Variants in ELF1 observed in about 807,000 individuals in gnomAD.
The protein encoded by ELF1 is ETS-related transcription factor Elf-1.
In ELF1, 24 loss-of-function variants were observed where a neutral mutation model predicts 59.9. That is an observed-to-expected ratio of 0.40 (90% CI 0.29 to 0.56). The LOEUF is 0.56. ELF1 is among the 20% of genes least tolerant of loss of function. The pLI is 0.44. For synonymous variants in ELF1, 248 were observed against 266.2 expected, an observed-to-expected ratio of 0.93 and a Z score of 0.67; for missense variants, 627 against 742.2, an observed-to-expected ratio of 0.84 and a Z score of 1.80.
intron 2 of ELF1, among the ~76,000 whole-genome samples, chr13:40,969,822 G>A (rs1464962972): frequency 9.9e-5 from 15 of 152,068 alleles, no homozygotes; most frequent in Non-Finnish European, 2.9e-5. Context: ...TCCCACTTCC[G>A]CTTCCCAAGC....
chr13:41,003,040 A>G (rs1455305531), intron 1 of ELF1, among the ~76,000 whole-genome samples: 1 of 152,240 alleles, frequency 6.6e-6, no homozygotes, highest in Non-Finnish European at 1.5e-5. Context: ...AAAATTCTTC[A>G]TTAAACAGTA....
intron 1 of ELF1, among the ~76,000 whole-genome samples, chr13:41,050,119 CTT>C (rs566218954): frequency 1.6e-3 from 245 of 152,284 alleles, no homozygotes; most frequent in Admixed American, 4.5e-3. Context: ...CAACAAAACT[CTT>C]TTCATCTTTC....
intron 1 of ELF1, chr13:40,993,406 G>A: frequency 5.2e-6 from 4 of 764,002 alleles, no homozygotes; most frequent in South Asian, 4.8e-5. Flanking sequence ...GGGGAGCGGG[G>A]CTGGGCGGCT....
Position 40,991,234 on chromosome 13 carries a change from G to C in ELF1, c.-228-8952C>G, listed in dbSNP as rs544040087. Among the ~76,000 whole-genome samples the C allele has an allele frequency of 3.3e-5, 5 of 152,286 alleles. No homozygotes were observed. In the South Asian group the frequency reaches 1.0e-3, roughly 32 times the overall value. On this transcript the variant is annotated intron_variant, in intron 1 of 8. Transcript: ENST00000239882. The stretch of plus-strand genomic sequence containing the variant: ...ACTAAATGTAATGTGGTGGGATCCT[G>C]GGACAGGAAAGGGACATCAGGTTAA...
intron 1 of ELF1, among the ~76,000 whole-genome samples, chr13:41,034,970 A>ACT (rs1876315579): frequency 6.6e-6 from 1 of 151,726 alleles, no homozygotes; most frequent in African/African-American, 2.4e-5. Context: ...ATGCTTTTTC[A>ACT]CTCTACCTTT....
At chr13:40,944,205 A>G (rs1566166618) in intron 5 of ELF1, among the ~76,000 whole-genome samples, 2 of 152,230 alleles carry the variant, frequency 1.3e-5, no homozygotes, top group Non-Finnish European at 2.9e-5. Context: ...AAATTACTAT[A>G]GCTTGCCTTT....
At chr13:40,982,763 G>T (rs1998905) in intron 1 of ELF1, 2 of 534,128 alleles carry the variant, frequency 3.7e-6, no homozygotes, top group Non-Finnish European at 2.4e-6. Flanking sequence ...TTAGTAAGAA[G>T]TATTTTTAAA....
chr13:41,060,313 G>T (rs1377830052), intron 1 of ELF1, among the ~76,000 whole-genome samples: 2 of 152,216 alleles, frequency 1.3e-5, no homozygotes, highest in Admixed American at 6.5e-5. Context: ...AGGGCAGGGG[G>T]GTCAGCCCGT....
At chr13:41,018,831 T>G (rs1249336918) in intron 1 of ELF1, among the ~76,000 whole-genome samples, 66 of 152,304 alleles carry the variant, frequency 4.3e-4, no homozygotes, top group Admixed American at 4.3e-3. Context: ...ATTTAACATC[T>G]ATATCACACA....
chr13:41,057,469 C>G (rs1953058775), intron 1 of ELF1, among the ~76,000 whole-genome samples: 1 of 151,890 alleles, frequency 6.6e-6, no homozygotes, highest in Non-Finnish European at 1.5e-5. Context: ...TCCTGAGATC[C>G]TGGCTTACTG....
intron 1 of ELF1, among the ~76,000 whole-genome samples, chr13:41,040,104 CA>C (rs1479065783): frequency 1.3e-5 from 2 of 152,234 alleles, no homozygotes; most frequent in South Asian, 4.1e-4. Context: ...ACTTCACAAC[CA>C]AAAGACTTTA....
chr13:41,051,659 T>C (rs1369002833), intron 1 of ELF1, among the ~76,000 whole-genome samples: 1 of 152,054 alleles, frequency 6.6e-6, no homozygotes, highest in African/African-American at 2.4e-5. Flanking sequence ...TTCAAAAAAC[T>C]TTAAGTAATA....
intron 2 of ELF1, among the ~76,000 whole-genome samples, chr13:40,967,646 C>G (rs755874655): frequency 3.3e-5 from 5 of 152,120 alleles, no homozygotes; most frequent in Non-Finnish European, 5.9e-5. Flanking sequence ...CGCTGGAGTG[C>G]AGTGGCGTGA....
chr13:41,012,154 C>A (rs1370603726), intron 1 of ELF1, among the ~76,000 whole-genome samples: 1 of 151,500 alleles, frequency 6.6e-6, no homozygotes, highest in African/African-American at 2.4e-5. Flanking sequence ...TAAAAAAATA[C>A]AAAGATAAAT....
At chr13:40,974,448 A>C (rs1312891423) in intron 2 of ELF1, among the ~76,000 whole-genome samples, 3 of 152,186 alleles carry the variant, frequency 2.0e-5, no homozygotes, top group Non-Finnish European at 2.9e-5. Flanking sequence ...AATTACAGGC[A>C]AGTTGCTTCC....
intron 1 of ELF1, among the ~76,000 whole-genome samples, chr13:41,018,068 A>G (rs1159160720): frequency 6.6e-6 from 1 of 152,226 alleles, no homozygotes; most frequent in Non-Finnish European, 1.5e-5. Flanking sequence ...GCCTTCAAGC[A>G]CTTAGTAAGT....
In ELF1 at chr13:40,933,687, G is replaced by A. The variant is rs1869563543; in HGVS notation, c.1598C>T (p.Pro533Leu). Residue 533 changes from proline (P) to leucine (L), a missense_variant, in exon 9 of 9, where the codon CCT (proline) becomes CTT (leucine). Coordinates refer to ENST00000239882, the MANE Select transcript of ELF1 (RefSeq NM_172373.4). ...ACTGCGAGGAGAAAAGGTCACCACA[G>A]GTGCAGTAGCACTGAAGGATGGAGA... ...ASSPSFSATAPVVTFSPRSSQ... is the reference protein window; with the variant it reads ...ASSPSFSATALVVTFSPRSSQ... 6.2e-7 allele frequency: 1 copy of A among 1,614,164 alleles called. No individual in the cohort carries two copies.
chr13:40,994,656 T>G (rs191458011), intron 1 of ELF1, among the ~76,000 whole-genome samples: 4 of 151,198 alleles, frequency 2.6e-5, no homozygotes, highest in Non-Finnish European at 4.5e-5. Flanking sequence ...AAGAAAGAAA[T>G]AAACAAGCGA....
rs556251869 is a variant in ELF1, at chr13:41,055,925, T to A, written c.-229+4913A>T. Among the ~76,000 whole-genome samples the A allele has an allele frequency of 5.3e-5, 8 of 152,142 alleles. No homozygotes were observed. The South Asian group carries it at 1.5e-3, about 28-fold the overall frequency. ...CAGGCTGCTATTATTTTAAAACAGGTAATATCCAAATGATAAATGTAAAAT... is the reference window on the plus strand; with the variant it reads ...CAGGCTGCTATTATTTTAAAACAGGAAATATCCAAATGATAAATGTAAAAT... On this transcript the variant is annotated intron_variant, in intron 1 of 1. Coordinates refer to the ELF1 transcript ENST00000405737.
Sources: allele counts gnomAD v4.1 joint callset (sites outside exome capture counted in the v4.1 genomes callset), GRCh38; gene constraint gnomAD v4.1.1; transcripts MANE v1.5; gene names NCBI Gene and HGNC (gene_info 2026-07-23, HGNC 2026-07-21).